DIAPH3: variants seen among roughly 807,000 people sequenced by gnomAD.
DIAPH3 encodes diaphanous related formin 3, also known as protein diaphanous homolog 3.
DIAPH3 carries 117 observed loss-of-function variants against 144.3 expected under a neutral mutation model. The observed-to-expected ratio is 0.81, with a 90% CI of 0.70 to 0.95. The LOEUF is 0.95. Among genes scored for constraint, DIAPH3 ranks in the 40% least tolerant of loss-of-function variants. The pLI, the probability that DIAPH3 is intolerant of heterozygous loss-of-function variation, is 0.00. For missense variants in DIAPH3, 1,421 were observed against 1,412.7 expected (o/e 1.01, Z -0.09); for synonymous variants, 519 against 488.9 (o/e 1.06, Z -0.81).
At chr13:59,713,364 G>GT (rs1352180213) in intron 27 of DIAPH3, among the ~76,000 whole-genome samples, 1 of 151,920 alleles carries the variant, frequency 6.6e-6, no homozygotes, top group Non-Finnish European at 1.5e-5. Context: ...GGCACAGTCT[G>GT]TTTTTTGAAA....
chr13:59,707,817 G>C (rs2034511892), intron 27 of DIAPH3, among the ~76,000 whole-genome samples: 1 of 151,860 alleles, frequency 6.6e-6, no homozygotes. Context: ...CCGATGAACT[G>C]TCCATGCTCC....
intron 9 of DIAPH3, among the ~76,000 whole-genome samples, chr13:60,003,674 C>T (rs1320624845): frequency 1.3e-5 from 2 of 151,792 alleles, no homozygotes; most frequent in African/African-American, 2.4e-5. Context: ...CCTGGGTTCA[C>T]GCCATTCTCC....
chr13:60,091,544 T>C (rs1271186424), intron 4 of DIAPH3, among the ~76,000 whole-genome samples: 1 of 151,746 alleles, frequency 6.6e-6, no homozygotes, highest in African/African-American at 2.4e-5. Context: ...GAGATCTGCC[T>C]CCCAAGGTGC....
In DIAPH3 at chr13:59,999,733, T is replaced by C. The variant is rs567575945; in HGVS notation, c.1015-7150A>G. 2.0e-5 allele frequency among the ~76,000 whole-genome samples: 3 copies of C among 151,894 alleles called. No homozygotes were observed. In the East Asian group the frequency reaches 5.8e-4, roughly 29 times the overall value. ...GGCAGCCTGAGACACTTTCACCCCA[T>C]CTCCACTCCTTCCCACTCTCCTTCA... On this transcript the variant is annotated intron_variant, in intron 9 of 27. Transcript: ENST00000400324.
At chr13:59,995,026 AG>A (rs1449614797) in intron 9 of DIAPH3, among the ~76,000 whole-genome samples, 4 of 151,992 alleles carry the variant, frequency 2.6e-5, no homozygotes, top group South Asian at 4.1e-4. Flanking sequence ...AGAATGAGGT[AG>A]AAGAAAAGCA....
rs766794888 is a variant in DIAPH3, at chr13:59,861,404, A to C, written c.2737+3T>G. 1.2e-6 allele frequency: 2 copies of C among 1,613,772 alleles called. No individual in the cohort carries two copies. The highest frequency in any genetic ancestry group is 4.5e-5 in the East Asian group (2 of 44,776). The stretch of plus-strand genomic sequence containing the variant: ...ATGAAATGTTTCTTAAAAAGGCACA[A>C]ACCTTTACTAGCTTTGTCTAAAGGT... On this transcript the variant is annotated splice_donor_region_variant and intron_variant, in intron 22 of 27. Coordinates refer to ENST00000400324, the MANE Select transcript of DIAPH3 (RefSeq NM_001042517.2).
At chr13:59,836,796 A>G (rs1197083829) in intron 23 of DIAPH3, among the ~76,000 whole-genome samples, 1 of 152,004 alleles carries the variant, frequency 6.6e-6, no homozygotes, top group East Asian at 1.9e-4. Context: ...TTTGATATGT[A>G]CCTCGATGAA....
At chr13:60,119,830 C>A (rs1188491017) in intron 2 of DIAPH3, among the ~76,000 whole-genome samples, 1 of 149,750 alleles carries the variant, frequency 6.7e-6, no homozygotes, top group Non-Finnish European at 1.5e-5. Flanking sequence ...CGTTATATAC[C>A]AACAGATAAC....
chr13:59,804,425 T>A (rs1379951211), intron 25 of DIAPH3, among the ~76,000 whole-genome samples: 1 of 152,212 alleles, frequency 6.6e-6, no homozygotes, highest in Non-Finnish European at 1.5e-5. Flanking sequence ...AAGACTTGAG[T>A]ACTGGCTTCA....
chr13:59,784,281 C>T (rs774643627), intron 25 of DIAPH3, among the ~76,000 whole-genome samples: 5 of 152,008 alleles, frequency 3.3e-5, no homozygotes, highest in Non-Finnish European at 7.4e-5. Context: ...CAGGGTTTCA[C>T]CATATTAGCT....
chr13:59,681,731 A>C (rs1186987193), intron 27 of DIAPH3, among the ~76,000 whole-genome samples: 2 of 152,124 alleles, frequency 1.3e-5, no homozygotes, highest in African/African-American at 4.8e-5. Context: ...TAGCCTAAGA[A>C]AGTATGATTT....
intron 21 of DIAPH3, among the ~76,000 whole-genome samples, chr13:59,877,481 G>A (rs561590800): frequency 7.2e-5 from 11 of 152,204 alleles, no homozygotes; most frequent in Non-Finnish European, 1.0e-4. Flanking sequence ...TGCTGCCAAC[G>A]GGTATGGACA....
At chr13:59,795,257 C>T (rs1476446382) in intron 25 of DIAPH3, among the ~76,000 whole-genome samples, 1 of 152,160 alleles carries the variant, frequency 6.6e-6, no homozygotes, top group East Asian at 1.9e-4. Context: ...TATATTTCTT[C>T]ATCTTCATTC....
chr13:59,886,179 G>A (rs1325412590), intron 20 of DIAPH3, among the ~76,000 whole-genome samples: 1 of 151,832 alleles, frequency 6.6e-6, no homozygotes, highest in African/African-American at 2.4e-5. Flanking sequence ...TCATGTTTAG[G>A]TCCGTACTCC....
intron 2 of DIAPH3, among the ~76,000 whole-genome samples, chr13:60,124,895 G>A (rs898957589): frequency 2.6e-5 from 4 of 151,950 alleles, no homozygotes; most frequent in Non-Finnish European, 5.9e-5. Flanking sequence ...TGCTCTCAGC[G>A]GAGAAAAGGA....
intron 17 of DIAPH3, among the ~76,000 whole-genome samples, chr13:59,963,051 G>A (rs774933075): frequency 9.2e-5 from 14 of 152,006 alleles, no homozygotes; most frequent in Non-Finnish European, 1.9e-4. Context: ...AATTCTATTT[G>A]CAGACCCCAA....
chr13:59,961,167 G>A (rs1690058105), intron 17 of DIAPH3, among the ~76,000 whole-genome samples: 1 of 152,184 alleles, frequency 6.6e-6, no homozygotes, highest in Non-Finnish European at 1.5e-5. Context: ...CATTGTGGAA[G>A]ATTCAGAGAT....
chr13:59,953,552 G>T (rs927987991), intron 17 of DIAPH3, among the ~76,000 whole-genome samples: 1 of 152,076 alleles, frequency 6.6e-6, no homozygotes, highest in Non-Finnish European at 1.5e-5. Context: ...GATAAAGAAT[G>T]GGTAAGGATT....
intron 5 of DIAPH3, among the ~76,000 whole-genome samples, chr13:60,030,887 G>A (rs2054739343): frequency 6.6e-6 from 1 of 152,116 alleles, no homozygotes; most frequent in Non-Finnish European, 1.5e-5. Context: ...TTTTGTCATT[G>A]TAGAAAGTTC....
Sources: allele counts gnomAD v4.1 joint callset (sites outside exome capture counted in the v4.1 genomes callset), GRCh38; gene constraint gnomAD v4.1.1; transcripts MANE v1.5; gene names NCBI Gene and HGNC (gene_info 2026-07-23, HGNC 2026-07-21).